The following MECOM variants were observed in gnomAD, a reference collection of about 807,000 sequenced individuals.
The protein encoded by MECOM is MDS1 and EVI1 complex locus.
A neutral mutation model predicts 116.3 loss-of-function variants in MECOM; 13 were observed. The ratio of observed to expected loss-of-function variants is 0.11; its 90% confidence interval spans 0.07 to 0.18. MECOM has a LOEUF of 0.18. Ranked by LOEUF, MECOM falls within the 10% of genes least tolerant of loss-of-function variation. The pLI is 1.00. For synonymous variants in MECOM, 528 were observed against 535.2 expected, an observed-to-expected ratio of 0.99 and a Z score of 0.19; for missense variants, 1,299 against 1,509.0, an observed-to-expected ratio of 0.86 and a Z score of 2.31.
At chr3:169,280,231 T>C (rs1711641579) in intron 2 of MECOM, among the ~76,000 whole-genome samples, 1 of 152,236 alleles carries the variant, frequency 6.6e-6, no homozygotes, top group African/African-American at 2.4e-5. Context: ...CTAAATAAAC[T>C]GCTCTGCAAT....
At chr3:169,146,984 G>A in intron 2 of MECOM, 8 of 995,078 alleles carry the variant, frequency 8.0e-6, no homozygotes, top group South Asian at 4.4e-5. Context: ...TTTATTGTCC[G>A]CCAACAGTGT....
At chr3:169,500,167 A>G (rs1330107675) in intron 1 of MECOM, among the ~76,000 whole-genome samples, 1 of 152,096 alleles carries the variant, frequency 6.6e-6, no homozygotes, top group African/African-American at 2.4e-5. Context: ...TTAGATCATA[A>G]AAGTCTATCA....
intron 1 of MECOM, among the ~76,000 whole-genome samples, chr3:169,452,004 T>A (rs1745679387): frequency 6.6e-6 from 1 of 151,882 alleles, no homozygotes; most frequent in Non-Finnish European, 1.5e-5. Flanking sequence ...ATTCCTCTTC[T>A]CAAAATACTA....
At chr3:169,568,797 T>C (rs1458531576) in intron 1 of MECOM, among the ~76,000 whole-genome samples, 1 of 152,138 alleles carries the variant, frequency 6.6e-6, no homozygotes, top group Non-Finnish European at 1.5e-5. Context: ...TGCTGACAGA[T>C]TTTGTCACCA....
chr3:169,374,024 G>C (rs1004865198), intron 2 of MECOM, among the ~76,000 whole-genome samples: 1 of 151,862 alleles, frequency 6.6e-6, no homozygotes, highest in Non-Finnish European at 1.5e-5. Context: ...TGGAAATAGG[G>C]CCATTAGGAT....
At chr3:169,274,035 C>T (rs1157784926) in intron 2 of MECOM, among the ~76,000 whole-genome samples, 1 of 151,872 alleles carries the variant, frequency 6.6e-6, no homozygotes, top group African/African-American at 2.4e-5. Context: ...CCTCAGCCTC[C>T]CAAGTAGCTG....
chr3:169,098,226 T>C (rs1393603881), intron 12 of MECOM, among the ~76,000 whole-genome samples: 1 of 152,168 alleles, frequency 6.6e-6, no homozygotes, highest in Non-Finnish European at 1.5e-5. Context: ...ACCAATTTTC[T>C]CCAGTGCTCT....
At chr3:169,217,002 G>A (rs1311844930) in intron 2 of MECOM, among the ~76,000 whole-genome samples, 1 of 152,100 alleles carries the variant, frequency 6.6e-6, no homozygotes, top group East Asian at 1.9e-4. Context: ...AAATAAACAG[G>A]TATGATACCA....
intron 1 of MECOM, among the ~76,000 whole-genome samples, chr3:169,461,120 G>T (rs1423530606): frequency 1.3e-5 from 2 of 152,072 alleles, no homozygotes; most frequent in Admixed American, 1.3e-4. Flanking sequence ...CAAGAACAGG[G>T]TGTATTGATA....
intron 1 of MECOM, among the ~76,000 whole-genome samples, chr3:169,433,683 AAGAAAG>A (rs1553851609): frequency 6.0e-5 from 9 of 150,226 alleles, no homozygotes; most frequent in African/African-American, 1.2e-4. Flanking sequence ...GAAAGAAAGA[AAGAAAG>A]AGAAAGAAAG....
intron 2 of MECOM, among the ~76,000 whole-genome samples, chr3:169,359,381 A>T (rs1727818777): frequency 6.6e-6 from 1 of 151,776 alleles, no homozygotes; most frequent in Non-Finnish European, 1.5e-5. Context: ...CTATGTTTCT[A>T]TCAATCAGTT....
intron 1 of MECOM, among the ~76,000 whole-genome samples, chr3:169,392,516 A>C (rs546448684): frequency 6.6e-6 from 1 of 152,180 alleles, no homozygotes; most frequent in Non-Finnish European, 1.5e-5. Context: ...TTATTCAATA[A>C]ATACCACGTT....
chr3:169,090,488 T>C (rs1947809), intron 14 of MECOM, among the ~76,000 whole-genome samples: 145,333 of 152,152 alleles, frequency 0.96, 69,454 homozygotes, highest in East Asian at 0.99. Flanking sequence ...AAAACAATCT[T>C]GGTCTCCCAT....
At chr3:169,491,675 T>C (rs1186017670) in intron 1 of MECOM, among the ~76,000 whole-genome samples, 1 of 152,182 alleles carries the variant, frequency 6.6e-6, no homozygotes, top group Non-Finnish European at 1.5e-5. Flanking sequence ...GTCAGCATTG[T>C]TACCAACCAG....
At chr3:169,481,370 T>G (rs1230398718) in intron 1 of MECOM, among the ~76,000 whole-genome samples, 4 of 152,028 alleles carry the variant, frequency 2.6e-5, no homozygotes, top group Admixed American at 2.0e-4. Flanking sequence ...CTGGCCAACA[T>G]GGTGAAATTC....
At chr3:169,433,689 G>GAAAGAAAGAAAGAAAGAAAGAGAA (rs762521796) in intron 1 of MECOM, among the ~76,000 whole-genome samples, 1 of 96,788 alleles carries the variant, frequency 1.0e-5, no homozygotes, top group African/African-American at 3.8e-5. Flanking sequence ...AAGAAAGAAA[G>GAAAGAAAGAAAGAAAGAAAGAGAA]AGAAAGAAAG....
rs1244935774 is a variant in MECOM, at chr3:169,093,034, C to T, written c.3088G>A (p.Ala1030Thr). 1 of 1,613,696 alleles carries T rather than the reference C, an allele frequency of 6.2e-7. No individual in the cohort carries two copies. The highest frequency in any genetic ancestry group is 8.5e-7 in the Non-Finnish European group (1 of 1,179,806). The stretch of plus-strand genomic sequence containing the variant: ...AAATTTCGAATTTCTGTGAAGTAAG[C>T]ATCTTCTTTGTCATCCAGAATCGCA... ...TGAILDDKEDAYFTEIRNFIG... is the reference protein window; with the variant it reads ...TGAILDDKEDTYFTEIRNFIG... The change falls in exon 14 of 17, where the codon GCT (alanine) becomes ACT (threonine). Residue 1030 changes from alanine to threonine, a missense_variant. Around this residue, in one of 6 missense-constraint regions of MECOM, gnomAD observed 273 missense variants for 289.3 expected, o/e 0.94. Coordinates refer to ENST00000651503, the MANE Select transcript of MECOM (RefSeq NM_004991.4).
At position 169,638,101 on chromosome 3, in the gene MECOM, G is replaced by A. The variant is rs560880327; in HGVS notation, c.37+25235C>T. Reference sequence around the variant, plus strand: ...CAAAGTACTTTATACAAGTTGCAAGGCTTGATAATTAAAATTCTTATGTAG... The same window carrying A: ...CAAAGTACTTTATACAAGTTGCAAGACTTGATAATTAAAATTCTTATGTAG... On this transcript the variant is annotated intron_variant, in intron 1 of 16. Transcript: ENST00000651503. Among the ~76,000 whole-genome samples the A allele has an allele frequency of 3.6e-4, 55 of 152,256 alleles. No homozygotes were observed. The Middle Eastern group carries it at 0.014, about 38-fold the overall frequency.
At chr3:169,347,234 T>TG (rs142948234) in intron 2 of MECOM, among the ~76,000 whole-genome samples, 1,622 of 152,086 alleles carry the variant, frequency 0.011, 11 homozygotes, top group East Asian at 0.043. Context: ...TTGTACTTCA[T>TG]GGGGGGGCAG....
Sources: gnomAD v4.1 joint callset for allele counts (sites outside exome capture counted in the v4.1 genomes callset) on GRCh38, gnomAD v4.1.1 for gene constraint, gnomAD v4.1.1 regional missense constraint, MANE v1.5 for transcripts, NCBI Gene and HGNC (gene_info 2026-07-23, HGNC 2026-07-21) for gene names.